The following ST3GAL3 variants were observed in gnomAD, a reference collection of about 807,000 sequenced individuals.
The protein encoded by ST3GAL3 is ST3 beta-galactoside alpha-2,3-sialyltransferase 3, also known as CMP-N-acetylneuraminate-beta-1,4-galactoside alpha-2,3-sialyltransferase.
A neutral mutation model predicts 50.1 loss-of-function variants in ST3GAL3; 21 were observed. The ratio of observed to expected loss-of-function variants is 0.42; its 90% CI spans 0.30 to 0.60. ST3GAL3 has a LOEUF of 0.60. Ranked by LOEUF, ST3GAL3 falls within the 20% of genes least tolerant of loss-of-function variation. The pLI is 0.19. For synonymous variants in ST3GAL3, 183 were observed against 190.0 expected (o/e 0.96, Z 0.30); for missense variants, 353 against 489.4 (o/e 0.72, Z 2.63).
In ST3GAL3 at chr1:43,899,032, G is replaced by T; in HGVS notation, c.462-136G>T. On this transcript the variant is annotated intron_variant, in intron 7 of 11. Coordinates refer to ENST00000347631, the MANE Select transcript of ST3GAL3 (RefSeq NM_006279.5). This position sits in a 1 kb window ranked among gnomAD's most constrained non-coding sequence, Gnocchi z 5.4. ...GTTCAGGCCTTCTCTCAGAAATGCT[G>T]CCAGAAGCCCATTGGTCTTCTTCCT... 8.1e-7 allele frequency: 1 copy of T among 1,236,316 alleles called. No individual in the cohort carries two copies. Among genetic ancestry groups the T allele is most frequent in the South Asian group, 1.3e-5 (1 of 75,722 alleles). 76.6% of individuals were successfully genotyped at this position (1,236,316 alleles called of 1,614,324 possible).
intron 5 of ST3GAL3, among the ~76,000 whole-genome samples, chr1:43,882,938 CT>C (rs1294518598): frequency 7.9e-6 from 1 of 126,292 alleles, no homozygotes; most frequent in Non-Finnish European, 1.7e-5. Context: ...AGTGCCCATT[CT>C]TTTATTTATT....
chr1:43,870,398 C>G (rs964863116), intron 5 of ST3GAL3, among the ~76,000 whole-genome samples: 1 of 152,262 alleles, frequency 6.6e-6, no homozygotes, highest in African/African-American at 2.4e-5. Flanking sequence ...GTCACAATCA[C>G]AGGCCATGCT....
intron 5 of ST3GAL3, among the ~76,000 whole-genome samples, chr1:43,847,116 G>A (rs72888713): frequency 0.015 from 2,263 of 152,296 alleles, 76 homozygotes; most frequent in African/African-American, 0.052. Flanking sequence ...ACATCCATTA[G>A]GATACTATGG....
rs371836755 is a variant in ST3GAL3 at position 43,814,926 on chromosome 1, T to C, written c.202T>C (p.Ser68Pro). 1 of 1,614,014 alleles carries C rather than the reference T, an allele frequency of 6.2e-7. No homozygotes were observed. The highest frequency in any genetic ancestry group is 1.3e-5 in the African/African-American group (1 of 74,926). ...DRLGFLLNLD[S>P]KLPAELATKY... ...GTTGGGCTTCCTCCTGAATCTGGAC[T>C]CTAAACTGTGAGTAGAATGAGAAGA... Residue 68 changes from serine to proline, a missense_variant, in exon 4 of 12, where the codon TCT (serine) becomes CCT (proline). Coordinates refer to ENST00000347631, the MANE Select transcript of ST3GAL3 (RefSeq NM_006279.5).
intron 4 of ST3GAL3, among the ~76,000 whole-genome samples, chr1:43,827,532 A>G (rs2062974291): frequency 6.6e-6 from 1 of 151,940 alleles, no homozygotes; most frequent in African/African-American, 2.4e-5. Flanking sequence ...GTTTTTTTTG[A>G]AACAGGGTTG....
In ST3GAL3 at chr1:43,797,257, A is replaced by G. The variant is rs561048461; in HGVS notation, c.166+5108A>G. On this transcript the variant is annotated intron_variant, in intron 3 of 11. Coordinates refer to ENST00000347631, the MANE Select transcript of ST3GAL3 (RefSeq NM_006279.5). The stretch of plus-strand genomic sequence containing the variant: ...AATGAAGGTCTTAGCAAACAAAAAA[A>G]GAGGAAGAAAATATAAAGAAGAACC... Among the ~76,000 whole-genome samples the G allele has an allele frequency of 4.6e-5, 7 of 152,346 alleles. No individual in the cohort carries two copies. In the East Asian group the frequency reaches 7.7e-4, roughly 17 times the overall value.
intron 11 of ST3GAL3, among the ~76,000 whole-genome samples, chr1:43,928,692 T>A (rs1258301555): frequency 6.6e-6 from 1 of 151,902 alleles, no homozygotes; most frequent in Non-Finnish European, 1.5e-5. Flanking sequence ...GTGGATCACC[T>A]GAGGTCAGGA....
Position 43,814,887 on chromosome 1 carries a change from T to A in ST3GAL3, c.167-4T>A. ...CAGTGACATTTTCTGCTTTTCTTTT[T>A]CAGAGTATGATCGGTTGGGCTTCCT... On this transcript the variant is annotated splice_polypyrimidine_tract_variant and splice_region_variant and intron_variant, in intron 3 of 11. Coordinates refer to ENST00000347631, the MANE Select transcript of ST3GAL3 (RefSeq NM_006279.5). 6.2e-7 allele frequency: 1 copy of A among 1,614,214 alleles called. No homozygotes were observed. Among genetic ancestry groups the A allele is most frequent in the Non-Finnish European group, 8.5e-7 (1 of 1,180,018 alleles).
At chr1:43,751,931 GTCTCAGTT>G (rs370028809) in intron 2 of ST3GAL3, among the ~76,000 whole-genome samples, 87 of 151,968 alleles carry the variant, frequency 5.7e-4, no homozygotes, top group African/African-American at 2.1e-3. Flanking sequence ...CGATTCTCCT[GTCTCAGTT>G]TCCTCAGTAG....
At chr1:43,909,304 T>C (rs947081192) in intron 9 of ST3GAL3, among the ~76,000 whole-genome samples, 1 of 152,236 alleles carries the variant, frequency 6.6e-6, no homozygotes, top group Non-Finnish European at 1.5e-5. Flanking sequence ...TTCAGACCCT[T>C]GCATCCTTTT....
rs1017028143 is a variant in ST3GAL3 at position 43,758,113 on chromosome 1, C to T, written c.118+21733C>T. 2.0e-5 allele frequency among the ~76,000 whole-genome samples: 3 copies of T among 151,290 alleles called. No homozygotes were observed. The East Asian group carries it at 5.9e-4, about 30-fold the overall frequency. On this transcript the variant is annotated intron_variant, in intron 2 of 11. Coordinates refer to ENST00000347631, the MANE Select transcript of ST3GAL3 (RefSeq NM_006279.5). ...TAGTATTAAATGCGAATTAAAACCACAATAAGACACTACTCTTATACTATA... is the reference window on the plus strand; with the variant it reads ...TAGTATTAAATGCGAATTAAAACCATAATAAGACACTACTCTTATACTATA...
At chr1:43,743,692 C>T (rs1018587960) in intron 2 of ST3GAL3, 3 of 245,460 alleles carry the variant, frequency 1.2e-5, no homozygotes, top group African/African-American at 6.9e-5. Flanking sequence ...TGCCATGTTC[C>T]AGTAGCAGAC....
intron 4 of ST3GAL3, among the ~76,000 whole-genome samples, chr1:43,830,419 A>C (rs1049761017): frequency 6.6e-6 from 1 of 152,140 alleles, no homozygotes; most frequent in East Asian, 1.9e-4. Context: ...TGTTTTCTTA[A>C]TACATTCTTC....
intron 5 of ST3GAL3, among the ~76,000 whole-genome samples, chr1:43,868,546 C>G (rs2071869188): frequency 6.6e-6 from 1 of 152,136 alleles, no homozygotes; most frequent in African/African-American, 2.4e-5. Context: ...TGTTTAAACC[C>G]TGGGCATACG....
chr1:43,822,293 G>A (rs1005575674), intron 4 of ST3GAL3, among the ~76,000 whole-genome samples: 3 of 152,308 alleles, frequency 2.0e-5, no homozygotes, highest in East Asian at 1.9e-4. Context: ...CTGAGCCGAC[G>A]TGGGCCTTCT....
chr1:43,760,615 G>A (rs1424230985), intron 2 of ST3GAL3, among the ~76,000 whole-genome samples: 3 of 152,158 alleles, frequency 2.0e-5, no homozygotes, highest in Admixed American at 1.3e-4. Context: ...AATTAGCCGG[G>A]CGTGGTGGTA....
intron 3 of ST3GAL3, among the ~76,000 whole-genome samples, chr1:43,793,286 GT>G (rs1183234429): frequency 2.6e-5 from 4 of 152,062 alleles, no homozygotes; most frequent in Non-Finnish European, 5.9e-5. Context: ...TACATGAGAT[GT>G]TTTGATACAG....
At position 43,746,776 on chromosome 1, in the gene ST3GAL3, T is replaced by G. The variant is rs532553343; in HGVS notation, c.118+10396T>G. On this transcript the variant is annotated intron_variant, in intron 2 of 11. Coordinates refer to ENST00000347631, the MANE Select transcript of ST3GAL3 (RefSeq NM_006279.5). ...TGCGCCTGGCCTAGTTTTTGTTTTT[T>G]TTTTTGAGACAAGTCTCACTCTGTC... Among the ~76,000 whole-genome samples, 10 of 149,608 alleles carry G rather than the reference T, an allele frequency of 6.7e-5. No individual in the cohort carries two copies. In the South Asian group the frequency reaches 1.9e-3, roughly 28 times the overall value.
chr1:43,905,434 C>T (rs1340122475), intron 9 of ST3GAL3, among the ~76,000 whole-genome samples: 1 of 127,544 alleles, frequency 7.8e-6, no homozygotes, highest in East Asian at 2.5e-4. Flanking sequence ...TCCTCCCCCT[C>T]GTCCTGCTCC....
Sources: gnomAD v4.1 joint callset for allele counts (sites outside exome capture counted in the v4.1 genomes callset) on GRCh38, gnomAD v4.1.1 for gene constraint, Gnocchi (gnomAD v3.1) non-coding constraint, MANE v1.5 for transcripts, NCBI Gene and HGNC (gene_info 2026-07-23, HGNC 2026-07-21) for gene names.